PPARGC1B: variants seen among roughly 807,000 people sequenced by gnomAD.
PPARGC1B encodes the protein peroxisome proliferator-activated receptor gamma coactivator 1-beta.
In PPARGC1B, 34 loss-of-function variants were observed where a neutral mutation model predicts 101.6. That is an observed-to-expected ratio of 0.33 (90% CI 0.25 to 0.45). PPARGC1B has a LOEUF of 0.45. PPARGC1B is among the 20% of genes least tolerant of loss of function. The pLI is 1.00. For missense variants in PPARGC1B, 1,234 were observed against 1,317.6 expected (o/e 0.94, Z 0.98); for synonymous variants, 548 against 539.3 (o/e 1.02, Z -0.22).
In PPARGC1B at chr5:149,795,875, G is replaced by A. The variant is rs113948401; in HGVS notation, c.79-24558G>A. Among the ~76,000 whole-genome samples, 933 of 152,148 alleles carry A rather than the reference G, an allele frequency of 6.1e-3. 13 individuals carry two copies. The highest frequency in any genetic ancestry group is 0.022 in the African/African-American group (905 of 41,502). On this transcript the variant is annotated intron_variant, in intron 1 of 11. Coordinates refer to ENST00000309241, the MANE Select transcript of PPARGC1B (RefSeq NM_133263.4). ...GTCAGACTTCCCTTAACCCAGCTGG[G>A]GAACCTCATTAGGCCTCCTCAGTTT...
intron 2 of PPARGC1B, among the ~76,000 whole-genome samples, chr5:149,824,274 G>A (rs1758418137): frequency 6.6e-6 from 1 of 152,016 alleles, no homozygotes; most frequent in Non-Finnish European, 1.5e-5. Flanking sequence ...CTCAGTTCGT[G>A]CAGTGCTGAT....
chr5:149,842,702 A>C (rs1759399371), intron 10 of PPARGC1B, among the ~76,000 whole-genome samples: 1 of 152,226 alleles, frequency 6.6e-6, no homozygotes, highest in Non-Finnish European at 1.5e-5. Context: ...TTAGCTGGGC[A>C]GCTAGTTGGT....
At chr5:149,740,501 C>T (rs943559585) in intron 1 of PPARGC1B, among the ~76,000 whole-genome samples, 2 of 152,054 alleles carry the variant, frequency 1.3e-5, no homozygotes, top group South Asian at 2.1e-4. Flanking sequence ...GGGCAGGTGA[C>T]GAGGGATCCC....
At chr5:149,778,913 A>C (rs1378839209) in intron 1 of PPARGC1B, among the ~76,000 whole-genome samples, 1 of 152,208 alleles carries the variant, frequency 6.6e-6, no homozygotes, top group Non-Finnish European at 1.5e-5. Flanking sequence ...AGTTTTAGAA[A>C]TATCTCACAG....
At chr5:149,789,055 G>C (rs993467360) in intron 1 of PPARGC1B, among the ~76,000 whole-genome samples, 1 of 152,206 alleles carries the variant, frequency 6.6e-6, no homozygotes, top group Non-Finnish European at 1.5e-5. Flanking sequence ...TTGTGCACAT[G>C]TACCCTAGAA....
chr5:149,751,288 T>G (rs1755292688), intron 1 of PPARGC1B, among the ~76,000 whole-genome samples: 1 of 152,264 alleles, frequency 6.6e-6, no homozygotes, highest in African/African-American at 2.4e-5. Flanking sequence ...TTATTTACTT[T>G]TTTACCTTTT....
intron 1 of PPARGC1B, among the ~76,000 whole-genome samples, chr5:149,758,888 G>A (rs753809357): frequency 2.0e-5 from 3 of 152,036 alleles, no homozygotes; most frequent in Non-Finnish European, 4.4e-5. Context: ...TCCCAATAAC[G>A]GTGGTTCATA....
intron 1 of PPARGC1B, among the ~76,000 whole-genome samples, chr5:149,742,386 C>T (rs1004223806): frequency 6.6e-6 from 1 of 152,142 alleles, no homozygotes; most frequent in African/African-American, 2.4e-5. Context: ...GCGATCCCCA[C>T]AGTCTGCTAC....
chr5:149,789,315 TG>T (rs1269678926), intron 1 of PPARGC1B, among the ~76,000 whole-genome samples: 1 of 152,152 alleles, frequency 6.6e-6, no homozygotes, highest in Non-Finnish European at 1.5e-5. Flanking sequence ...AAATGCAAGA[TG>T]GGGGCTTGCC....
At chr5:149,749,470 C>G (rs779030957) in intron 1 of PPARGC1B, among the ~76,000 whole-genome samples, 2 of 152,150 alleles carry the variant, frequency 1.3e-5, no homozygotes, top group Non-Finnish European at 2.9e-5. Context: ...TCCGCTACTG[C>G]TGTCTGAGTT....
Position 149,842,345 on chromosome 5 carries a change from T to A in PPARGC1B, c.2784T>A (p.Ile928=). ...GGCGCTTTGAAGTGTTTGGTGAGAT[T>A]GAGGAGTGCGAGGTGCTGACAAGAA... ...LKRRFEVFGE[I]EECEVLTRNR... Residue 928 remains isoleucine, a synonymous_variant, in exon 10 of 12, where the codon ATT becomes ATA. Coordinates refer to ENST00000309241, the MANE Select transcript of PPARGC1B (RefSeq NM_133263.4). 1 of 1,613,958 alleles carries A rather than the reference T, an allele frequency of 6.2e-7. No homozygotes were observed. The highest frequency in any genetic ancestry group is 8.5e-7 in the Non-Finnish European group (1 of 1,179,978).
intron 1 of PPARGC1B, among the ~76,000 whole-genome samples, chr5:149,747,002 T>C (rs894644337): frequency 6.6e-6 from 1 of 152,224 alleles, no homozygotes; most frequent in Admixed American, 6.5e-5. Context: ...GATACTAATC[T>C]CATCAGATAT....
rs1759275169 is a variant in PPARGC1B, at chr5:149,840,134, C to T, written c.2694+18C>T. On this transcript the variant is annotated intron_variant, in intron 9 of 11. Transcript: ENST00000309241. The stretch of plus-strand genomic sequence containing the variant: ...AGGCCATTGTAAGTGATCTGGGGGC[C>T]CAGAGCCTGGAGTGAATGGGAACGG... 1.9e-6 allele frequency: 3 copies of T among 1,605,018 alleles called. No individual in the cohort carries two copies. The highest frequency in any genetic ancestry group is 1.3e-5 in the African/African-American group (1 of 74,840).
chr5:149,784,560 C>CT (rs72364863), intron 1 of PPARGC1B, among the ~76,000 whole-genome samples: 2,200 of 75,682 alleles, frequency 0.029, 141 homozygotes, highest in African/African-American at 0.099. Flanking sequence ...AACTGAGTTT[C>CT]TTTTTTTTTT....
At chr5:149,819,944 A>G (rs1034224571) in intron 1 of PPARGC1B, among the ~76,000 whole-genome samples, 4 of 152,246 alleles carry the variant, frequency 2.6e-5, no homozygotes, top group Non-Finnish European at 5.9e-5. Flanking sequence ...CATTACATAT[A>G]TTCCTATAAA....
In PPARGC1B at chr5:149,800,971, G is replaced by A. The variant is rs367755902; in HGVS notation, c.79-19462G>A. Among the ~76,000 whole-genome samples the A allele has an allele frequency of 9.8e-5, 15 of 152,320 alleles. No individual in the cohort carries two copies. In the East Asian group the frequency reaches 1.5e-3, roughly 16 times the overall value. ...TTTCAAGAAAATCAGATCTAGAAAC[G>A]TTTGGATCTCTGGTGCCAGGCCTAT... On this transcript the variant is annotated intron_variant, in intron 1 of 11. Coordinates refer to ENST00000309241, the MANE Select transcript of PPARGC1B (RefSeq NM_133263.4).
At chr5:149,777,784 A>AACACACACACAC (rs4039101) in intron 1 of PPARGC1B, among the ~76,000 whole-genome samples, 920 of 91,014 alleles carry the variant, frequency 0.01, 90 homozygotes, top group African/African-American at 0.017. Context: ...CTGTCTTTGT[A>AACACACACACAC]ACACACACAC....
intron 1 of PPARGC1B, chr5:149,732,941 A>G: frequency 2.9e-6 from 1 of 347,252 alleles, no homozygotes. Flanking sequence ...GGAGCAAGCC[A>G]TTTGAACTCT....
At chr5:149,803,896 G>A (rs1047898164) in intron 1 of PPARGC1B, among the ~76,000 whole-genome samples, 5 of 152,258 alleles carry the variant, frequency 3.3e-5, no homozygotes, top group African/African-American at 1.2e-4. Flanking sequence ...GGACCTGAGC[G>A]AGTGGTGGTC....
Sources: gnomAD v4.1 joint callset for allele counts (sites outside exome capture counted in the v4.1 genomes callset) on GRCh38, gnomAD v4.1.1 for gene constraint, MANE v1.5 for transcripts, NCBI Gene and HGNC (gene_info 2026-07-23, HGNC 2026-07-21) for gene names.